The following DMXL1 variants were observed in gnomAD, a reference collection of about 807,000 sequenced individuals.
DMXL1 encodes the protein dmX-like protein 1.
A neutral mutation model predicts 319.2 loss-of-function variants in DMXL1; 99 were observed. The ratio of observed to expected loss-of-function variants is 0.31; its 90% CI spans 0.26 to 0.37. The LOEUF (loss-of-function observed/expected upper bound fraction) is 0.37. Among genes scored for constraint, DMXL1 ranks in the 10% least tolerant of loss-of-function variants. DMXL1 has a pLI of 1.00. For missense variants in DMXL1, 3,745 were observed against 3,595.6 expected (o/e 1.04, Z -1.06); for synonymous variants, 1,385 against 1,235.2 (o/e 1.12, Z -2.54).
At chr5:119,089,277 C>CATATATATATATATATATATACATAT (rs1311893867) in intron 1 of DMXL1, among the ~76,000 whole-genome samples, 1 of 31,492 alleles carries the variant, frequency 3.2e-5, no homozygotes, top group Admixed American at 6.4e-4. Context: ...TATATATATA[C>CATATATATATATATATATATACATAT]ATATATATAT....
At chr5:119,229,694 A>G (rs919529422) in intron 38 of DMXL1, among the ~76,000 whole-genome samples, 5 of 152,122 alleles carry the variant, frequency 3.3e-5, no homozygotes, top group South Asian at 2.1e-4. Flanking sequence ...TTATTTATCT[A>G]TTTTCAGTAG....
At chr5:119,086,805 G>T (rs1041195756) in intron 1 of DMXL1, among the ~76,000 whole-genome samples, 1 of 151,676 alleles carries the variant, frequency 6.6e-6, no homozygotes, top group Non-Finnish European at 1.5e-5. Context: ...ATGTTTGATA[G>T]AATTCAGCAG....
chr5:119,225,741 G>C (rs1785427378), intron 38 of DMXL1, among the ~76,000 whole-genome samples: 1 of 152,012 alleles, frequency 6.6e-6, no homozygotes, highest in East Asian at 1.9e-4. Context: ...AATAACATCT[G>C]TTACTTATGC....
Position 119,203,452 on chromosome 5 carries a change from A to G in DMXL1, c.7863+16A>G. The G allele has an allele frequency of 7.0e-7, 1 of 1,427,468 alleles. No homozygotes were observed. The highest frequency in any genetic ancestry group is 9.6e-7 in the Non-Finnish European group (1 of 1,037,050). The allele number at this position is 1,427,468 out of a possible 1,614,324, so 88.4% of individuals were successfully genotyped here. A position where few individuals can be genotyped will look rare whatever the true frequency, so the allele number is the denominator to read the frequency against. On this transcript the variant is annotated intron_variant, in intron 33 of 43. Coordinates refer to ENST00000539542, the MANE Select transcript of DMXL1 (RefSeq NM_001290321.3). ...TCTAAATGAGGTCTGTATAAGTTAA[A>G]ACCTGTTTACTATTTTATTATTGAA...
chr5:119,172,188 T>A (rs1774717597), intron 25 of DMXL1, among the ~76,000 whole-genome samples: 1 of 152,232 alleles, frequency 6.6e-6, no homozygotes, highest in South Asian at 2.1e-4. Flanking sequence ...TTGAATTTTT[T>A]ATCACAATGC....
intron 1 of DMXL1, among the ~76,000 whole-genome samples, chr5:119,089,822 C>T (rs1754303031): frequency 6.6e-6 from 1 of 150,658 alleles, no homozygotes; most frequent in Non-Finnish European, 1.5e-5. Context: ...GATGGGGTTT[C>T]TCCAGGTTGG....
At position 119,247,875 on chromosome 5, in the gene DMXL1, C is replaced by A. The variant is rs1351602415; in HGVS notation, c.*656C>A. On this transcript the variant is annotated 3_prime_UTR_variant, in exon 44 of 44. Coordinates refer to ENST00000539542, the MANE Select transcript of DMXL1 (RefSeq NM_001290321.3). ...ACTTAGTTGTATATATTAGCGAAAA[C>A]TGGTTTTTCATGTGTTTTTGTGCCA... is the stretch of plus-strand genomic sequence containing the variant. The A allele has an allele frequency of 6.6e-6, 1 of 151,878 alleles. No individual in the cohort carries two copies. Among genetic ancestry groups the A allele is most frequent in the Non-Finnish European group, 1.5e-5 (1 of 67,966 alleles). 9.4% of individuals were successfully genotyped at this position (151,878 alleles called of 1,614,324 possible). A position where few individuals can be genotyped will look rare whatever the true frequency, so the allele number is the denominator to read the frequency against.
At chr5:119,223,787 A>G (rs1335600573) in intron 37 of DMXL1, among the ~76,000 whole-genome samples, 1 of 152,162 alleles carries the variant, frequency 6.6e-6, no homozygotes, top group Non-Finnish European at 1.5e-5. Context: ...ATATTAAAAA[A>G]AGAAGACAAA....
Position 119,081,540 on chromosome 5 carries a change from A to G in DMXL1, c.87+9884A>G, listed in dbSNP as rs1467639845. ...CACTTAAGTCAATTAACAGGTATATATAGTTGGCTTCTGGTTAAGTTTTGT... is the reference window on the plus strand; with the variant it reads ...CACTTAAGTCAATTAACAGGTATATGTAGTTGGCTTCTGGTTAAGTTTTGT... On this transcript the variant is annotated intron_variant, in intron 1 of 43. Coordinates refer to ENST00000539542, the MANE Select transcript of DMXL1 (RefSeq NM_001290321.3). 10 of 982,786 alleles carry G rather than the reference A, an allele frequency of 1.0e-5. No homozygotes were observed. In the South Asian group the frequency reaches 3.3e-4, roughly 32 times the overall value. The allele number at this position is 982,786 out of a possible 1,614,324, so 60.9% of individuals were successfully genotyped here.
At chr5:119,199,047 C>T (rs1009823254) in intron 32 of DMXL1, among the ~76,000 whole-genome samples, 3 of 152,062 alleles carry the variant, frequency 2.0e-5, no homozygotes, top group Non-Finnish European at 4.4e-5. Context: ...CCACCATGCC[C>T]AGCTAATTTT....
At chr5:119,075,745 A>G (rs1225563356) in intron 1 of DMXL1, among the ~76,000 whole-genome samples, 1 of 151,822 alleles carries the variant, frequency 6.6e-6, no homozygotes. Context: ...ACAAAAAAAA[A>G]TGGAGGCTGG....
Position 119,170,083 on chromosome 5 carries a change from CAA to C in DMXL1, c.5399-104_5399-103del, listed in dbSNP as rs1417309946. 74 of 1,230,216 alleles carry C rather than the reference CAA, an allele frequency of 6.0e-5. No individual in the cohort carries two copies. The Middle Eastern group carries it at 8.6e-4, about 14-fold the overall frequency. The allele number at this position is 1,230,216 out of a possible 1,614,324, so 76.2% of individuals were successfully genotyped here. A position where few individuals can be genotyped will look rare whatever the true frequency, so the allele number is the denominator to read the frequency against. On this transcript the variant is annotated intron_variant, in intron 23 of 43. Transcript: ENST00000539542. Reference sequence around the variant, plus strand: ...TTGTGGCCTATTAGTAAAATTTTGTCAAAAGACTCTTTAGATAAAGGTGTCAT... The same window carrying C: ...TTGTGGCCTATTAGTAAAATTTTGTCAAGACTCTTTAGATAAAGGTGTCAT...
chr5:119,129,246 C>A lies in DMXL1; in HGVS notation c.1138C>A (p.Leu380Ile), dbSNP rs199712213. The A allele has an allele frequency of 6.2e-7, 1 of 1,612,986 alleles. No homozygotes were observed. Among genetic ancestry groups the A allele is most frequent in the Non-Finnish European group, 8.5e-7 (1 of 1,179,350 alleles). The change falls in exon 10 of 44, where the codon CTA (leucine) becomes ATA (isoleucine). Residue 380 changes from leucine (L) to isoleucine (I), a missense_variant. This residue lies in a region of DMXL1 where 2,096 missense variants were observed against 1,985.4 expected (regional missense o/e 1.06). Coordinates refer to ENST00000539542, the MANE Select transcript of DMXL1 (RefSeq NM_001290321.3). ...TCTTCCATCTATTACATCTCTGAGT[C>A]TAAATGAAAATGAAGAGAAGACCGG... ...PLLPSITSLS[L>I]NENEEKTGPF... is the part of the protein sequence containing the mutation.
intron 30 of DMXL1, among the ~76,000 whole-genome samples, chr5:119,194,902 A>T (rs1324772921): frequency 6.6e-6 from 1 of 152,188 alleles, no homozygotes; most frequent in Non-Finnish European, 1.5e-5. Context: ...TTCTAAAAAA[A>T]AAAATTTTAA....
chr5:119,191,188 A>C (rs1189824989), intron 29 of DMXL1, among the ~76,000 whole-genome samples: 1 of 152,190 alleles, frequency 6.6e-6, no homozygotes, highest in Non-Finnish European at 1.5e-5. Context: ...GTGCGTGGTC[A>C]TTTTTGTAGG....
intron 38 of DMXL1, among the ~76,000 whole-genome samples, chr5:119,226,625 C>CT: frequency 6.6e-6 from 1 of 152,238 alleles, no homozygotes; most frequent in East Asian, 1.9e-4. Context: ...ATGACACAGT[C>CT]TACCTGGAGT....
At chr5:119,113,841 TATAA>T (rs1384970007) in intron 5 of DMXL1, among the ~76,000 whole-genome samples, 1 of 152,238 alleles carries the variant, frequency 6.6e-6, no homozygotes, top group Admixed American at 6.5e-5. Flanking sequence ...TGGATATCTT[TATAA>T]ATAAATTTAG....
chr5:119,213,744 T>G (rs564697921), intron 34 of DMXL1, among the ~76,000 whole-genome samples: 1 of 152,294 alleles, frequency 6.6e-6, no homozygotes, highest in East Asian at 1.9e-4. Context: ...ATTTGGTTAT[T>G]ATCTCCAGCC....
chr5:119,126,618 C>A (rs1313507469), intron 9 of DMXL1, among the ~76,000 whole-genome samples: 1 of 152,014 alleles, frequency 6.6e-6, no homozygotes, highest in Non-Finnish European at 1.5e-5. Flanking sequence ...ATAACAATAA[C>A]AAAAAAAATT....
Sources: allele counts gnomAD v4.1 joint callset (sites outside exome capture counted in the v4.1 genomes callset), GRCh38; gene constraint gnomAD v4.1.1; regional missense constraint gnomAD v4.1.1; transcripts MANE v1.5; gene names NCBI Gene and HGNC (gene_info 2026-07-23, HGNC 2026-07-21).